LHFPL1: variants seen among roughly 807,000 people sequenced by gnomAD.
LHFPL1 encodes the protein LHFPL tetraspan subfamily member 1 protein.
Under a neutral mutation model 12.1 loss-of-function variants are expected in LHFPL1, and 4 were observed. The observed-to-expected ratio is 0.33, with a 90% CI of 0.16 to 0.76. LHFPL1 has a LOEUF of 0.76. Among genes scored for constraint, LHFPL1 ranks in the 30% least tolerant of loss-of-function variants. The pLI is 0.61. For synonymous variants in LHFPL1, 52 were observed against 61.9 expected (o/e 0.84, Z 0.75); for missense variants, 141 against 174.1 (o/e 0.81, Z 1.07).
chrX:112,651,944 T>C (rs1274669272), intron 3 of LHFPL1, among the ~76,000 whole-genome samples: 2 of 112,944 alleles, frequency 1.8e-5, no homozygotes, highest in African/African-American at 6.4e-5. Flanking sequence ...AGATCATCTA[T>C]TACTCTTCCC....
intron 3 of LHFPL1, among the ~76,000 whole-genome samples, chrX:112,653,214 A>G (rs1415030191): frequency 1.8e-5 from 2 of 112,064 alleles, no homozygotes; most frequent in Non-Finnish European, 3.8e-5. Flanking sequence ...CTATGCAAGC[A>G]TTCAATAAAT....
chrX:112,678,401 G>A (rs1157705354), intron 1 of LHFPL1, among the ~76,000 whole-genome samples: 1 of 111,728 alleles, frequency 9.0e-6, no homozygotes, highest in East Asian at 2.8e-4. Flanking sequence ...AAGCTGGTTG[G>A]CTACGAGTTC....
chrX:112,643,852 C>T (rs189114056), intron 3 of LHFPL1, among the ~76,000 whole-genome samples: 1 of 111,994 alleles, frequency 8.9e-6, no homozygotes, highest in East Asian at 2.8e-4. Context: ...GCACTACGGA[C>T]GTGCGGTTGA....
chrX:112,662,954 A>G, intron 2 of LHFPL1, among the ~76,000 whole-genome samples: 1 of 112,099 alleles, frequency 8.9e-6, no homozygotes, highest in East Asian at 2.8e-4. Context: ...AAGTTTATAA[A>G]AGAACACCAG....
At chrX:112,660,375 T>C (rs931122356) in intron 3 of LHFPL1, among the ~76,000 whole-genome samples, 1 of 112,139 alleles carries the variant, frequency 8.9e-6, no homozygotes, top group African/African-American at 3.2e-5. Context: ...GCATTTTAAA[T>C]CCCTCTGAAG....
chrX:112,638,245 G>A (rs1359423978), intron 3 of LHFPL1, among the ~76,000 whole-genome samples: 1 of 111,576 alleles, frequency 9.0e-6, no homozygotes, highest in Non-Finnish European at 1.9e-5. Flanking sequence ...GCAAAAGAAG[G>A]GAAGGAATGA....
intron 3 of LHFPL1, among the ~76,000 whole-genome samples, chrX:112,650,369 T>C (rs762613001): frequency 8.0e-4 from 89 of 111,209 alleles, no homozygotes; most frequent in South Asian, 5.0e-3. Context: ...GCTCTCCTTC[T>C]TAGCAAAATT....
chrX:112,656,239 T>C (rs1269650612), intron 3 of LHFPL1, among the ~76,000 whole-genome samples: 1 of 111,694 alleles, frequency 9.0e-6, no homozygotes, highest in Non-Finnish European at 1.9e-5. Flanking sequence ...ATGCATCATA[T>C]TGAAAGGATA....
intron 2 of LHFPL1, among the ~76,000 whole-genome samples, chrX:112,662,323 G>C (rs1315297984): frequency 1.8e-5 from 2 of 112,060 alleles, no homozygotes; most frequent in East Asian, 5.6e-4. Context: ...CAACTGGACA[G>C]TGAAAAGCGG....
chrX:112,674,199 T>G (rs976316076), intron 1 of LHFPL1, among the ~76,000 whole-genome samples: 1 of 111,489 alleles, frequency 9.0e-6, no homozygotes, highest in Non-Finnish European at 1.9e-5. Context: ...GGAAAGGACA[T>G]CCTTTTCAAC....
chrX:112,651,313 A>G (rs192543438), intron 3 of LHFPL1, among the ~76,000 whole-genome samples: 1 of 112,354 alleles, frequency 8.9e-6, no homozygotes, highest in Non-Finnish European at 1.9e-5. Flanking sequence ...ATGAGATGAT[A>G]CATATAAAAC....
At chrX:112,664,915 A>C (rs192137533) in intron 2 of LHFPL1, among the ~76,000 whole-genome samples, 1 of 111,948 alleles carries the variant, frequency 8.9e-6, no homozygotes, top group African/African-American at 3.2e-5. Context: ...CCTCAGCCCC[A>C]GGTATTTGAT....
intron 3 of LHFPL1, among the ~76,000 whole-genome samples, chrX:112,633,078 A>C (rs1348640342): frequency 8.9e-6 from 1 of 112,358 alleles, no homozygotes; most frequent in Non-Finnish European, 1.9e-5. Context: ...CCTGCTGGAC[A>C]AAATATTGGG....
At chrX:112,672,381 A>G (rs1361381608) in intron 1 of LHFPL1, among the ~76,000 whole-genome samples, 1 of 111,017 alleles carries the variant, frequency 9.0e-6, no homozygotes, top group African/African-American at 3.3e-5. Context: ...CTCAGCTCAC[A>G]AATGGTTTTC....
At chrX:112,644,964 G>C (rs1930643491) in intron 3 of LHFPL1, among the ~76,000 whole-genome samples, 2 of 112,077 alleles carry the variant, frequency 1.8e-5, no homozygotes, top group African/African-American at 6.5e-5. Context: ...GAAATGATGG[G>C]AGAGCAAAGG....
intron 3 of LHFPL1, among the ~76,000 whole-genome samples, chrX:112,657,985 A>G (rs1194673253): frequency 9.0e-6 from 1 of 111,470 alleles, no homozygotes. Flanking sequence ...AAAGAATGTC[A>G]TCAAGAAAGT....
intron 3 of LHFPL1, among the ~76,000 whole-genome samples, chrX:112,652,875 C>T (rs16987040): frequency 0.18 from 19,706 of 111,278 alleles, 1,443 homozygotes; most frequent in African/African-American, 0.29. Context: ...ATGAATTTAA[C>T]GTTCATAGCA....
chrX:112,672,308 C>T (rs1175694053), intron 1 of LHFPL1, among the ~76,000 whole-genome samples: 2 of 111,680 alleles, frequency 1.8e-5, no homozygotes, highest in Non-Finnish European at 3.8e-5. Context: ...TTTCAAGGTC[C>T]CTTTTGGAAC....
intron 1 of LHFPL1, among the ~76,000 whole-genome samples, chrX:112,676,843 C>T (rs887965048): frequency 7.1e-5 from 8 of 111,938 alleles, no homozygotes; most frequent in Admixed American, 4.7e-4. Flanking sequence ...CAACCTAAGG[C>T]CAGATCCTTT....
Sources: allele counts gnomAD v4.1 joint callset (sites outside exome capture counted in the v4.1 genomes callset), GRCh38; gene constraint gnomAD v4.1.1; transcripts MANE v1.5; gene names NCBI Gene and HGNC (gene_info 2026-07-23, HGNC 2026-07-21).